The following KAT6B variants were observed in gnomAD, a reference collection of about 807,000 sequenced individuals.
KAT6B encodes histone acetyltransferase KAT6B.
Under a neutral mutation model 187.5 loss-of-function variants are expected in KAT6B, and 10 were observed. That is an observed-to-expected ratio of 0.05 (90% CI 0.03 to 0.09). The LOEUF is 0.09. KAT6B is among the 10% of genes least tolerant of loss of function. The pLI, the probability that KAT6B is intolerant of heterozygous loss-of-function variation, is 1.00. For synonymous variants in KAT6B, 861 were observed against 926.8 expected (o/e 0.93, Z 1.29); for missense variants, 1,952 against 2,558.9 (o/e 0.76, Z 5.12).
intron 9 of KAT6B, 41 bp from the exon 10 acceptor site, chr10:74,979,183 A>C: frequency 7.3e-7 from 1 of 1,372,896 alleles, no homozygotes. Flanking sequence ...ATGTAAGTGA[A>C]GTATATATAT....
In KAT6B at chr10:75,030,842, C is replaced by T; in HGVS notation, c.6018C>T (p.Tyr2006=). ...SMSQPMMNSG[Y]HSNHGYMNQT... ...CCCAGCCAATGATGAACAGTGGCTA[C>T]CACAGCAATCATGGCTATATGAATC... The change falls in exon 18 of 18, where the codon TAC becomes TAT. Residue 2006 remains tyrosine, a synonymous_variant. Coordinates refer to ENST00000287239, the MANE Select transcript of KAT6B (RefSeq NM_012330.4). The surrounding 1 kb of genome is among the most constrained non-coding windows in gnomAD (Gnocchi z 4.8). 12 of 1,613,730 alleles carry T rather than the reference C, an allele frequency of 7.4e-6. No individual in the cohort carries two copies. The highest frequency in any genetic ancestry group is 9.3e-6 in the Non-Finnish European group (11 of 1,179,988).
intron 3 of KAT6B, among the ~76,000 whole-genome samples, chr10:74,917,561 G>A (rs1417220615): frequency 2.6e-5 from 4 of 152,184 alleles, no homozygotes; most frequent in Admixed American, 6.5e-5. Flanking sequence ...TTGAGGGAAG[G>A]GAGATAAATG....
chr10:74,901,036 C>A (rs1223929407), intron 3 of KAT6B, among the ~76,000 whole-genome samples: 1 of 151,900 alleles, frequency 6.6e-6, no homozygotes, highest in Non-Finnish European at 1.5e-5. Context: ...TCTTAAATAT[C>A]TTTTACACTT....
intron 3 of KAT6B, among the ~76,000 whole-genome samples, chr10:74,936,682 GTA>G (rs1849298757): frequency 6.6e-6 from 1 of 152,154 alleles, no homozygotes; most frequent in African/African-American, 2.4e-5. Flanking sequence ...GTTTTTGTGT[GTA>G]TGTGTGTAAT....
At chr10:74,942,652 C>T (rs1849757495) in intron 3 of KAT6B, among the ~76,000 whole-genome samples, 1 of 151,168 alleles carries the variant, frequency 6.6e-6, no homozygotes, top group Non-Finnish European at 1.5e-5. Context: ...GTAATCCCAG[C>T]TACTCGGGAG....
At chr10:75,020,081 A>G (rs1024213133) in intron 13 of KAT6B, among the ~76,000 whole-genome samples, 11 of 152,330 alleles carry the variant, frequency 7.2e-5, no homozygotes, top group African/African-American at 2.6e-4. Context: ...TAAATGTAAC[A>G]AGCAATATAG....
chr10:74,984,199 T>C (rs1842689536), intron 11 of KAT6B: 1 of 152,242 alleles, frequency 6.6e-6, no homozygotes, highest in Admixed American at 6.5e-5. Context: ...GAAATAGTTA[T>C]ATGAAATCTA....
intron 3 of KAT6B, among the ~76,000 whole-genome samples, chr10:74,942,665 C>T (rs1038863851): frequency 1.4e-5 from 2 of 144,944 alleles, no homozygotes; most frequent in Admixed American, 7.2e-5. Context: ...CTCGGGAGGC[C>T]GATTCAGGAG....
chr10:74,987,855 C>T (rs868271189), intron 12 of KAT6B, among the ~76,000 whole-genome samples: 1 of 152,104 alleles, frequency 6.6e-6, no homozygotes, highest in Non-Finnish European at 1.5e-5. Context: ...AGAGAGTGAC[C>T]CATTTGTCTA....
intron 3 of KAT6B, among the ~76,000 whole-genome samples, chr10:74,881,992 G>A (rs1055047362): frequency 2.6e-5 from 4 of 152,144 alleles, no homozygotes; most frequent in Admixed American, 6.5e-5. Context: ...GCTTCCTTCC[G>A]AGGTTGACCT....
chr10:74,982,066 C>T (rs141015396), intron 11 of KAT6B, 138 bp downstream of exon 11: 64 of 741,902 alleles, frequency 8.6e-5, no homozygotes, highest in African/African-American at 8.4e-4. Flanking sequence ...TTTAAAACAT[C>T]TCCATGTTTT....
intron 9 of KAT6B, among the ~76,000 whole-genome samples, chr10:74,978,874 T>TA (rs1245534488): frequency 2.6e-5 from 4 of 152,344 alleles, no homozygotes; most frequent in African/African-American, 9.6e-5. Context: ...TCTAATCTGT[T>TA]ACAACAGATT....
At chr10:74,864,792 T>G (rs1333590617) in intron 3 of KAT6B, among the ~76,000 whole-genome samples, 2 of 152,216 alleles carry the variant, frequency 1.3e-5, no homozygotes, top group African/African-American at 4.8e-5. Context: ...AGTAAAAGTT[T>G]TACCTCATTG....
chr10:74,939,842 G>A (rs913680767), intron 3 of KAT6B, among the ~76,000 whole-genome samples: 12 of 152,292 alleles, frequency 7.9e-5, no homozygotes, highest in Middle Eastern at 3.4e-3. Flanking sequence ...GCCTGTTTCC[G>A]TTACCCAGCA....
At chr10:75,015,907 G>A (rs772619482) in intron 13 of KAT6B, among the ~76,000 whole-genome samples, 4 of 152,208 alleles carry the variant, frequency 2.6e-5, no homozygotes, top group Non-Finnish European at 5.9e-5. Flanking sequence ...CCAGGTAGTG[G>A]AAGATGGAGG....
At chr10:74,957,848 C>G (rs1215521221) in intron 3 of KAT6B, among the ~76,000 whole-genome samples, 1 of 152,160 alleles carries the variant, frequency 6.6e-6, no homozygotes, top group Non-Finnish European at 1.5e-5. Context: ...AACTATGGAT[C>G]CATAATTATG....
chr10:74,871,185 CTTTTTTTTTTTTTT>C (rs746074814), intron 3 of KAT6B, among the ~76,000 whole-genome samples: 5 of 76,744 alleles, frequency 6.5e-5, no homozygotes, highest in African/African-American at 3.0e-4. Context: ...CAAGCCTGGC[CTTTTTTTTTTTTTT>C]TTTTTTTTTT....
At chr10:74,877,486 G>A (rs995253388) in intron 3 of KAT6B, among the ~76,000 whole-genome samples, 19 of 152,162 alleles carry the variant, frequency 1.2e-4, no homozygotes, top group Non-Finnish European at 2.9e-5. Flanking sequence ...CTTTATTGCA[G>A]TTTTGATGCT....
At chr10:74,943,384 T>C (rs1439223222) in intron 3 of KAT6B, among the ~76,000 whole-genome samples, 1 of 152,240 alleles carries the variant, frequency 6.6e-6, no homozygotes, top group Non-Finnish European at 1.5e-5. Context: ...ACAATGTTAG[T>C]ACTTCCCAAA....
Sources: gnomAD v4.1 joint callset for allele counts (sites outside exome capture counted in the v4.1 genomes callset) on GRCh38, gnomAD v4.1.1 for gene constraint, Gnocchi (gnomAD v3.1) non-coding constraint, MANE v1.5 for transcripts, NCBI Gene and HGNC (gene_info 2026-07-23, HGNC 2026-07-21) for gene names.